TRPC4: variants seen among roughly 807,000 people sequenced by gnomAD.
The protein encoded by TRPC4 is short transient receptor potential channel 4.
In TRPC4, 49 loss-of-function variants were observed where a neutral mutation model predicts 99.4. The observed-to-expected ratio is 0.49, with a 90% confidence interval of 0.39 to 0.63. The LOEUF (loss-of-function observed/expected upper bound fraction) is 0.63, where lower values mean the gene tolerates loss of function less well. TRPC4 is among the 20% of genes least tolerant of loss of function. TRPC4 has a pLI of 0.00. For synonymous variants in TRPC4, 454 were observed against 425.9 expected (o/e 1.07, Z -0.81); for missense variants, 898 against 1,152.9 (o/e 0.78, Z 3.20).
rs557551454 is a variant in TRPC4, at chr13:37,861,109, T to C, written c.-28+8486A>G. Among the ~76,000 whole-genome samples the C allele has an allele frequency of 1.1e-4, 16 of 151,618 alleles. 1 individual carries two copies. The South Asian group carries it at 3.3e-3, about 31-fold the overall frequency. ...CAAAACCAGAAGCATTATAAGAAAG[T>C]AGATTATCTTTTAAAAAACTTCATT... On this transcript the variant is annotated intron_variant, in intron 1 of 10. Transcript: ENST00000379705.
chr13:37,856,390 T>TG (rs1330091787), intron 1 of TRPC4, among the ~76,000 whole-genome samples: 1 of 110,056 alleles, frequency 9.1e-6, no homozygotes, highest in African/African-American at 3.4e-5. Context: ...AGTCTCCTAG[T>TG]AAAAAAAAAA....
intron 1 of TRPC4, among the ~76,000 whole-genome samples, chr13:37,829,785 A>T (rs552943594): frequency 6.6e-6 from 1 of 152,342 alleles, no homozygotes; most frequent in Admixed American, 6.5e-5. Flanking sequence ...ATATATATAT[A>T]TAATAGACTG....
chr13:37,810,482 T>A (rs565381126), intron 1 of TRPC4, among the ~76,000 whole-genome samples: 1 of 152,154 alleles, frequency 6.6e-6, no homozygotes, highest in East Asian at 1.9e-4. Context: ...CAGCTATAGA[T>A]CAAAACAATT....
intron 1 of TRPC4, among the ~76,000 whole-genome samples, chr13:37,843,826 G>T (rs2139650007): frequency 6.6e-6 from 1 of 152,234 alleles, no homozygotes. Context: ...CCGCAGGCAA[G>T]AAGATAATTC....
intron 6 of TRPC4, among the ~76,000 whole-genome samples, chr13:37,661,371 T>C (rs1952432137): frequency 6.6e-6 from 1 of 152,204 alleles, no homozygotes; most frequent in Non-Finnish European, 1.5e-5. Context: ...TAGGGGATCA[T>C]AAATCATGAC....
chr13:37,737,233 T>C (rs1204874735), intron 3 of TRPC4, among the ~76,000 whole-genome samples: 1 of 150,870 alleles, frequency 6.6e-6, no homozygotes, highest in African/African-American at 2.4e-5. Flanking sequence ...ATAGTAATAA[T>C]AATAATAATA....
intron 2 of TRPC4, among the ~76,000 whole-genome samples, chr13:37,776,546 T>A (rs989060): frequency 0.45 from 68,683 of 151,680 alleles, 15,847 homozygotes; most frequent in Middle Eastern, 0.5. Context: ...ACTGTCAATA[T>A]CCAGGATTTG....
intron 1 of TRPC4, among the ~76,000 whole-genome samples, chr13:37,822,364 C>T (rs1032831207): frequency 2.6e-5 from 4 of 151,570 alleles, no homozygotes; most frequent in African/African-American, 4.9e-5. Flanking sequence ...CATGCTGGTG[C>T]GCTGCACCCA....
intron 3 of TRPC4, among the ~76,000 whole-genome samples, chr13:37,717,670 A>C (rs762970684): frequency 7.2e-5 from 11 of 152,164 alleles, no homozygotes; most frequent in Non-Finnish European, 1.3e-4. Flanking sequence ...TATTCAAGCC[A>C]AGGAGAGAGG....
chr13:37,690,141 A>C (rs1029324935), intron 4 of TRPC4, among the ~76,000 whole-genome samples: 2 of 152,216 alleles, frequency 1.3e-5, no homozygotes, highest in Non-Finnish European at 2.9e-5. Context: ...AATTGTTCCA[A>C]AGACATTTTC....
chr13:37,862,599 T>C (rs1255749198), intron 1 of TRPC4, among the ~76,000 whole-genome samples: 1 of 151,674 alleles, frequency 6.6e-6, no homozygotes, highest in East Asian at 1.9e-4. Context: ...TAATTTATGT[T>C]ATTTATTTAA....
chr13:37,819,132 C>G (rs1392029203), intron 1 of TRPC4, among the ~76,000 whole-genome samples: 1 of 151,876 alleles, frequency 6.6e-6, no homozygotes, highest in Non-Finnish European at 1.5e-5. Context: ...CAATGAGATA[C>G]CATCTTACAC....
chr13:37,638,847 T>C (rs1951617918), intron 10 of TRPC4, among the ~76,000 whole-genome samples, 193 bp downstream of exon 10: 1 of 152,200 alleles, frequency 6.6e-6, no homozygotes, highest in Non-Finnish European at 1.5e-5. Context: ...GAAAACAATT[T>C]ATTTTGAGAA....
Position 37,693,037 on chromosome 13 carries a change from C to T in TRPC4, c.898-702G>A, listed in dbSNP as rs1276207711. Among the ~76,000 whole-genome samples the T allele has an allele frequency of 2.0e-5, 3 of 150,064 alleles. No individual in the cohort carries two copies. In the Admixed American group the frequency reaches 2.0e-4, roughly 10 times the overall value. ...ACATGGCATCATTCTATCCTGACAA[C>T]ATTTTTGTGATGTAGCATGGACACT... On this transcript the variant is annotated intron_variant, in intron 3 of 10. Transcript: ENST00000379705.
chr13:37,681,752 G>A (rs934370977), intron 4 of TRPC4, among the ~76,000 whole-genome samples: 2 of 152,132 alleles, frequency 1.3e-5, no homozygotes, highest in South Asian at 2.1e-4. Context: ...TCCTGTTCCC[G>A]CAATGGGAAC....
intron 1 of TRPC4, among the ~76,000 whole-genome samples, chr13:37,822,026 C>T (rs1040100860): frequency 6.6e-6 from 1 of 151,978 alleles, no homozygotes; most frequent in Non-Finnish European, 1.5e-5. Context: ...AACAGACAAC[C>T]TACAGAATGG....
At chr13:37,808,567 T>A (rs1466392395) in intron 1 of TRPC4, among the ~76,000 whole-genome samples, 1 of 152,048 alleles carries the variant, frequency 6.6e-6, no homozygotes, top group Non-Finnish European at 1.5e-5. Flanking sequence ...TCAGGTATTG[T>A]CTTGTAGAAC....
At chr13:37,697,727 G>T (rs893437470) in intron 3 of TRPC4, among the ~76,000 whole-genome samples, 1 of 152,114 alleles carries the variant, frequency 6.6e-6, no homozygotes, top group Non-Finnish European at 1.5e-5. Flanking sequence ...AGAATATCAG[G>T]CCCCACTTCA....
intron 1 of TRPC4, among the ~76,000 whole-genome samples, chr13:37,819,444 T>C (rs1017273159): frequency 2.6e-5 from 4 of 152,110 alleles, no homozygotes; most frequent in African/African-American, 7.2e-5. Flanking sequence ...CCATCAATGA[T>C]AGACCAAATA....
Sources: gnomAD v4.1 joint callset for allele counts (sites outside exome capture counted in the v4.1 genomes callset) on GRCh38, gnomAD v4.1.1 for gene constraint, MANE v1.5 for transcripts, NCBI Gene and HGNC (gene_info 2026-07-23, HGNC 2026-07-21) for gene names.